Variants in GABRG3 observed in about 807,000 individuals in gnomAD.
The protein encoded by GABRG3 is gamma-aminobutyric acid type A receptor subunit gamma3, also known as gamma-aminobutyric acid receptor subunit gamma-3.
Under a neutral mutation model 48.8 loss-of-function variants are expected in GABRG3, and 25 were observed. The ratio of observed to expected loss-of-function variants is 0.51; its 90% CI spans 0.37 to 0.72. The LOEUF (loss-of-function observed/expected upper bound fraction) is 0.72, where lower values mean the gene tolerates loss of function less well. Among genes scored for constraint, GABRG3 ranks in the 30% least tolerant of loss-of-function variants. The pLI is 0.00. For synonymous variants in GABRG3, 227 were observed against 217.6 expected (o/e 1.04, Z -0.38); for missense variants, 394 against 577.9 (o/e 0.68, Z 3.26).
chr15:27,263,205 G>T (rs1424983462), intron 3 of GABRG3, among the ~76,000 whole-genome samples: 1 of 152,216 alleles, frequency 6.6e-6, no homozygotes, highest in Admixed American at 6.5e-5. Flanking sequence ...CTTATACGGA[G>T]AAACAAAGGT....
In GABRG3 at chr15:27,308,415, CATGTA is replaced by C. The variant is rs772542613; in HGVS notation, c.271-18387_271-18383del. 2.0e-3 allele frequency among the ~76,000 whole-genome samples: 285 copies of C among 144,682 alleles called. 6 individuals carry two copies. The highest frequency in any genetic ancestry group is 0.016 in the Admixed American group (233 of 14,384). 94.9% of individuals were successfully genotyped at this position (144,682 alleles called of 152,430 possible). A position where few individuals can be genotyped will look rare whatever the true frequency, so the allele number is the denominator to read the frequency against. ...AACATATAATATAAACATATATAAA[CATGTA>C]ATGTAAACATACCTGTTTATATAAA... On this transcript the variant is annotated intron_variant, in intron 3 of 9. Transcript: ENST00000615808.
At chr15:27,271,412 C>T (rs1037116436) in intron 3 of GABRG3, 8 of 379,674 alleles carry the variant, frequency 2.1e-5, no homozygotes, top group African/African-American at 4.2e-5. Context: ...CAGGGAGCTG[C>T]GCAAGCTGGT....
intron 3 of GABRG3, among the ~76,000 whole-genome samples, chr15:27,140,269 C>A (rs1028084252): frequency 6.6e-6 from 1 of 152,022 alleles, no homozygotes; most frequent in East Asian, 1.9e-4. Context: ...AGCCCTCAAC[C>A]CGTGAGGGCT....
intron 3 of GABRG3, among the ~76,000 whole-genome samples, chr15:27,128,684 C>T (rs1897863769): frequency 6.6e-6 from 1 of 152,174 alleles, no homozygotes; most frequent in Non-Finnish European, 1.5e-5. Context: ...TCTCCACAAC[C>T]ATGGGAAGAA....
chr15:27,072,738 G>A (rs1896849015), intron 3 of GABRG3, among the ~76,000 whole-genome samples: 1 of 152,188 alleles, frequency 6.6e-6, no homozygotes, highest in Non-Finnish European at 1.5e-5. Context: ...CCCACCATGA[G>A]GAGGAAGGGG....
At chr15:27,308,569 A>G (rs1037052599) in intron 3 of GABRG3, among the ~76,000 whole-genome samples, 3 of 147,934 alleles carry the variant, frequency 2.0e-5, no homozygotes, top group African/African-American at 7.3e-5. Context: ...GTTTATATAA[A>G]CATAATGTAA....
chr15:27,293,244 A>G (rs554480561), intron 3 of GABRG3, among the ~76,000 whole-genome samples: 2 of 152,346 alleles, frequency 1.3e-5, no homozygotes, highest in South Asian at 4.1e-4. Context: ...TATAAATAGA[A>G]TTAGATTTAG....
chr15:27,504,236 C>T (rs370512079), intron 6 of GABRG3, among the ~76,000 whole-genome samples: 25 of 151,966 alleles, frequency 1.6e-4, no homozygotes, highest in African/African-American at 6.0e-4. Context: ...CTCTTTTTCT[C>T]ATCTTTTGTT....
chr15:27,225,255 A>T (rs1264922648), intron 3 of GABRG3, among the ~76,000 whole-genome samples: 1 of 152,094 alleles, frequency 6.6e-6, no homozygotes, highest in African/African-American at 2.4e-5. Flanking sequence ...CCTTCCCATG[A>T]CAGTGCCCAT....
rs559094056 is a variant in GABRG3 at position 27,061,412 on chromosome 15, C to T, written c.270+34591C>T. 3.3e-4 allele frequency among the ~76,000 whole-genome samples: 50 copies of T among 150,670 alleles called. 1 individual carries two copies. In the South Asian group the frequency reaches 7.1e-3, roughly 21 times the overall value. ...TGATTAGGGTTTTTAATAAGTCTATCGTAACAAAACAATGCTCCATTGAGG... is the reference window on the plus strand; with the variant it reads ...TGATTAGGGTTTTTAATAAGTCTATTGTAACAAAACAATGCTCCATTGAGG... On this transcript the variant is annotated intron_variant, in intron 3 of 9. Transcript: ENST00000615808.
rs77630440 is a variant in GABRG3, at chr15:26,991,141, C to T, written c.202+13991C>T. Among the ~76,000 whole-genome samples, 410 of 152,258 alleles carry T rather than the reference C, an allele frequency of 2.7e-3. 1 individual carries two copies. The highest frequency in any genetic ancestry group is 8.6e-3 in the African/African-American group (358 of 41,544). On this transcript the variant is annotated intron_variant, in intron 2 of 9. Coordinates refer to ENST00000615808, the MANE Select transcript of GABRG3 (RefSeq NM_033223.5). The stretch of plus-strand genomic sequence containing the variant: ...GTTTCATTCTTCTGCATATGAATAT[C>T]GAGTTTTCCTAGCACCATTTATTGA...
At chr15:27,444,083 A>G (rs1427362608) in intron 5 of GABRG3, among the ~76,000 whole-genome samples, 2 of 152,146 alleles carry the variant, frequency 1.3e-5, no homozygotes, top group African/African-American at 2.4e-5. Context: ...ATCTGGTTCT[A>G]GTGTCATGGC....
At chr15:27,119,897 T>C (rs529713677) in intron 3 of GABRG3, among the ~76,000 whole-genome samples, 23 of 152,336 alleles carry the variant, frequency 1.5e-4, no homozygotes, top group African/African-American at 5.3e-4. Context: ...GCACATCTGC[T>C]AGCAAGGCAG....
intron 5 of GABRG3, among the ~76,000 whole-genome samples, chr15:27,381,941 C>T (rs9672858): frequency 0.57 from 87,016 of 151,946 alleles, 25,188 homozygotes; most frequent in East Asian, 0.67. Flanking sequence ...TAAATCTGCC[C>T]CTTGCCTCTC....
intron 3 of GABRG3, among the ~76,000 whole-genome samples, chr15:27,255,251 C>T (rs7172472): frequency 0.029 from 4,430 of 152,262 alleles, 201 homozygotes; most frequent in African/African-American, 0.1. Context: ...CTGCCTCTTA[C>T]CCCCTGGGCT....
intron 3 of GABRG3, among the ~76,000 whole-genome samples, chr15:27,148,773 A>G (rs1037125046): frequency 6.6e-6 from 1 of 152,026 alleles, no homozygotes; most frequent in African/African-American, 2.4e-5. Flanking sequence ...ATGGGCAGAA[A>G]AAATCATTTG....
intron 5 of GABRG3, among the ~76,000 whole-genome samples, chr15:27,444,222 A>G (rs1888874891): frequency 1.3e-5 from 2 of 152,270 alleles, no homozygotes; most frequent in South Asian, 4.1e-4. Flanking sequence ...TGTTTTTCAA[A>G]TCTTCTTACT....
intron 3 of GABRG3, among the ~76,000 whole-genome samples, chr15:27,088,034 T>A (rs1042599511): frequency 6.7e-6 from 1 of 150,068 alleles, no homozygotes; most frequent in Non-Finnish European, 1.5e-5. Flanking sequence ...TGTATATGAG[T>A]GTGTGATATG....
chr15:27,521,503 GA>G (rs2150862747), intron 7 of GABRG3, among the ~76,000 whole-genome samples: 1 of 152,110 alleles, frequency 6.6e-6, no homozygotes, highest in South Asian at 2.1e-4. Flanking sequence ...CTAAGATGTA[GA>G]AAAATGTTAC....
Sources: gnomAD v4.1 joint callset for allele counts (sites outside exome capture counted in the v4.1 genomes callset) on GRCh38, gnomAD v4.1.1 for gene constraint, MANE v1.5 for transcripts, NCBI Gene and HGNC (gene_info 2026-07-23, HGNC 2026-07-21) for gene names.